Variants in CNTNAP2 observed in about 807,000 individuals in gnomAD.
The protein encoded by CNTNAP2 is contactin associated protein 2, also known as contactin-associated protein-like 2.
Under a neutral mutation model 155.2 loss-of-function variants are expected in CNTNAP2, and 98 were observed. That is an observed-to-expected ratio of 0.63 (90% confidence interval 0.54 to 0.75). The LOEUF (loss-of-function observed/expected upper bound fraction) is 0.75, where lower values mean the gene tolerates loss of function less well. CNTNAP2 is among the 30% of genes least tolerant of loss of function. The pLI is 0.00. For synonymous variants in CNTNAP2, 651 were observed against 631.2 expected (o/e 1.03, Z -0.47); for missense variants, 1,727 against 1,688.1 (o/e 1.02, Z -0.40).
intron 14 of CNTNAP2, among the ~76,000 whole-genome samples, chr7:147,961,530 G>A (rs1801120656): frequency 6.6e-6 from 1 of 152,122 alleles, no homozygotes; most frequent in Non-Finnish European, 1.5e-5. Flanking sequence ...AAAAGGGCAT[G>A]GTATTTAGGA....
rs369932664 is a variant in CNTNAP2, at chr7:148,349,405, C to CTT, written c.3476-34243_3476-34242insTT. On this transcript the variant is annotated intron_variant, in intron 21 of 23. Transcript: ENST00000361727. Reference sequence around the variant, plus strand: ...GCTTTAAAAATTGCAAAAAAAATCTCTCTTTTTTTTTTTTGAGACAGAGTC... The same window carrying CTT: ...GCTTTAAAAATTGCAAAAAAAATCTCTTTCTTTTTTTTTTTTGAGACAGAGTC... Among the ~76,000 whole-genome samples, 41 of 135,626 alleles carry CTT rather than the reference C, an allele frequency of 3.0e-4. 7 individuals carry two copies. Among genetic ancestry groups the CTT allele is most frequent in the Admixed American group, 3.0e-4 (4 of 13,384 alleles). 89.0% of individuals were successfully genotyped at this position (135,626 alleles called of 152,430 possible). A position where few individuals can be genotyped will look rare whatever the true frequency, so the allele number is the denominator to read the frequency against.
intron 3 of CNTNAP2, among the ~76,000 whole-genome samples, chr7:147,005,290 C>G (rs118130643): frequency 0.011 from 1,639 of 152,076 alleles, 26 homozygotes; most frequent in Middle Eastern, 0.027. Flanking sequence ...CCTCTTTAAT[C>G]TCACAGATAT....
intron 13 of CNTNAP2, among the ~76,000 whole-genome samples, chr7:147,867,812 G>C (rs1799260221): frequency 6.6e-6 from 1 of 152,020 alleles, no homozygotes; most frequent in African/African-American, 2.4e-5. Flanking sequence ...GTCATTCAAG[G>C]TTTTCTCCAC....
intron 1 of CNTNAP2, among the ~76,000 whole-genome samples, chr7:146,132,581 A>T (rs1797732665): frequency 9.3e-6 from 1 of 107,320 alleles, no homozygotes; most frequent in Non-Finnish European, 1.8e-5. Flanking sequence ...CCACCCCACA[A>T]CAGTCCCCAG....
intron 1 of CNTNAP2, among the ~76,000 whole-genome samples, chr7:146,499,038 T>C (rs1343543783): frequency 6.6e-6 from 1 of 152,218 alleles, no homozygotes; most frequent in Non-Finnish European, 1.5e-5. Context: ...TAATTTCCTG[T>C]TGGCTGTGAC....
At chr7:148,255,680 T>C (rs1229032633) in intron 20 of CNTNAP2, among the ~76,000 whole-genome samples, 1 of 152,216 alleles carries the variant, frequency 6.6e-6, no homozygotes, top group East Asian at 1.9e-4. Context: ...CTGATTACAT[T>C]ACCATAATAA....
intron 3 of CNTNAP2, among the ~76,000 whole-genome samples, chr7:147,021,013 C>T (rs1330459604): frequency 6.6e-6 from 1 of 152,040 alleles, no homozygotes; most frequent in African/African-American, 2.4e-5. Flanking sequence ...TGGATGCATG[C>T]TTTTGATAAA....
chr7:147,356,118 A>T (rs1014619634), intron 9 of CNTNAP2, among the ~76,000 whole-genome samples: 4 of 152,154 alleles, frequency 2.6e-5, no homozygotes, highest in African/African-American at 7.2e-5. Context: ...CTGGGATGCA[A>T]GGTTGGTTCA....
chr7:146,436,841 A>G (rs1796250513), intron 1 of CNTNAP2, among the ~76,000 whole-genome samples: 1 of 151,706 alleles, frequency 6.6e-6, no homozygotes, highest in Non-Finnish European at 1.5e-5. Context: ...AATGGAGAAT[A>G]TAAAACTGAG....
intron 2 of CNTNAP2, among the ~76,000 whole-genome samples, chr7:146,835,599 GA>G (rs1453562085): frequency 6.6e-6 from 1 of 151,860 alleles, no homozygotes; most frequent in Non-Finnish European, 1.5e-5. Context: ...ACTACAATAG[GA>G]AAAAAATAAC....
intron 1 of CNTNAP2, among the ~76,000 whole-genome samples, chr7:146,343,084 TTTTTTTGTTTG>T (rs972451434): frequency 2.0e-5 from 3 of 152,154 alleles, no homozygotes; most frequent in South Asian, 2.1e-4. Context: ...AAGGTTGTTT[TTTTTTTGTTTG>T]TTTTTTGTTT....
intron 3 of CNTNAP2, among the ~76,000 whole-genome samples, chr7:146,959,713 C>CAAAAAAAAAAAA: frequency 1.1e-5 from 1 of 90,390 alleles, no homozygotes. Context: ...CAGCGAGTCT[C>CAAAAAAAAAAAA]AAAAAAAAAA....
At chr7:148,314,606 C>G (rs1797654355) in intron 21 of CNTNAP2, among the ~76,000 whole-genome samples, 1 of 152,024 alleles carries the variant, frequency 6.6e-6, no homozygotes, top group South Asian at 2.1e-4. Context: ...TCGGGGGGTT[C>G]TTGCCCCCTA....
intron 3 of CNTNAP2, among the ~76,000 whole-genome samples, chr7:146,894,145 T>G (rs1795831725): frequency 6.6e-6 from 1 of 152,124 alleles, no homozygotes; most frequent in African/African-American, 2.4e-5. Context: ...ACCAAGCAAC[T>G]TTTGGACAAT....
chr7:148,079,405 G>A (rs910508638), intron 15 of CNTNAP2, among the ~76,000 whole-genome samples: 1 of 152,304 alleles, frequency 6.6e-6, no homozygotes, highest in South Asian at 2.1e-4. Flanking sequence ...TAAAGATCTG[G>A]AATCCATAGA....
At chr7:147,888,214 T>A (rs1799630766) in intron 13 of CNTNAP2, among the ~76,000 whole-genome samples, 2 of 29,490 alleles carry the variant, frequency 6.8e-5, no homozygotes, top group Non-Finnish European at 1.2e-4. Flanking sequence ...TTGAAAAAAA[T>A]TTTAAAGAGA....
intron 16 of CNTNAP2, among the ~76,000 whole-genome samples, chr7:148,140,251 A>G (rs1194529320): frequency 6.6e-6 from 1 of 152,034 alleles, no homozygotes; most frequent in Non-Finnish European, 1.5e-5. Context: ...CTGAGCCTCC[A>G]TGTTCAGAGT....
chr7:147,381,663 T>G (rs903138601), intron 9 of CNTNAP2, among the ~76,000 whole-genome samples: 1 of 152,168 alleles, frequency 6.6e-6, no homozygotes, highest in Non-Finnish European at 1.5e-5. Flanking sequence ...TTGTATAATT[T>G]GATTTGCAAA....
Position 146,935,581 on chromosome 7 carries a change from ATCCC to A in CNTNAP2, c.402+95680_402+95683del, listed in dbSNP as rs1189918540. Among the ~76,000 whole-genome samples, 5 of 152,206 alleles carry A rather than the reference ATCCC, an allele frequency of 3.3e-5. No homozygotes were observed. The East Asian group carries it at 9.6e-4, about 29-fold the overall frequency. ...TAAAAGAAGCAATGATTAGAAATGT[ATCCC>A]TCATGATAAGCTGTCTAGCAAACTC... On this transcript the variant is annotated intron_variant, in intron 3 of 23. Coordinates refer to ENST00000361727, the MANE Select transcript of CNTNAP2 (RefSeq NM_014141.6).
Sources: gnomAD v4.1 joint callset for allele counts (sites outside exome capture counted in the v4.1 genomes callset) on GRCh38, gnomAD v4.1.1 for gene constraint, MANE v1.5 for transcripts, NCBI Gene and HGNC (gene_info 2026-07-23, HGNC 2026-07-21) for gene names.